The following MAPT variants were observed in gnomAD, a reference collection of about 807,000 sequenced individuals.
The protein encoded by MAPT is microtubule-associated protein tau.
A neutral mutation model predicts 67.9 loss-of-function variants in MAPT; 34 were observed. The ratio of observed to expected loss-of-function variants is 0.50; its 90% CI spans 0.38 to 0.67. The LOEUF (loss-of-function observed/expected upper bound fraction) is 0.67, where lower values mean the gene tolerates loss of function less well. Ranked by LOEUF, MAPT falls within the 30% of genes least tolerant of loss-of-function variation. The pLI, the probability that MAPT is intolerant of heterozygous loss-of-function variation, is 0.00. For missense variants in MAPT, 881 were observed against 1,115.2 expected (o/e 0.79, Z 2.99); for synonymous variants, 456 against 464.5 (o/e 0.98, Z 0.23).
chr17:46,010,511 T>C lies in MAPT; in HGVS notation c.2091+109T>C. 1.2e-6 allele frequency: 1 copy of C among 839,478 alleles called. No individual in the cohort carries two copies. Among genetic ancestry groups the C allele is most frequent in the Non-Finnish European group, 2.0e-6 (1 of 503,772 alleles). 52.0% of individuals were successfully genotyped at this position (839,478 alleles called of 1,614,324 possible). On this transcript the variant is annotated intron_variant, in intron 10 of 12. Transcript: ENST00000262410. The surrounding 1 kb of genome is among the most constrained non-coding windows in gnomAD (Gnocchi z 4.7). The stretch of plus-strand genomic sequence containing the variant: ...TGCATAGAATAAATCCTTCTTGGGC[T>C]CTCAGGATCTGGCTGCGACCTCTGG...
chr17:45,896,218 G>C lies in MAPT; in HGVS notation c.-18+1532G>C, dbSNP rs926775945. On this transcript the variant is annotated intron_variant, in intron 1 of 12. Transcript: ENST00000262410. The surrounding 1 kb of genome is among the most constrained non-coding windows in gnomAD (Gnocchi z 5.6). ...CAGCCTCGTCTCGGAGTCTGCCGGC[G>C]CCGGGAAGCTTCTGAAGGGATGGGA... 1 of 152,122 alleles carries C rather than the reference G, an allele frequency of 6.6e-6. No homozygotes were observed. The highest frequency in any genetic ancestry group is 6.6e-5 in the Admixed American group (1 of 15,264). The allele number at this position is 152,122 out of a possible 1,614,324, so 9.4% of individuals were successfully genotyped here.
At chr17:45,957,942 C>T (rs1441053121) in intron 1 of MAPT, among the ~76,000 whole-genome samples, 4 of 151,936 alleles carry the variant, frequency 2.6e-5, no homozygotes, top group African/African-American at 9.7e-5. Context: ...TATCTAAGCC[C>T]ACCTAGAGAA....
intron 1 of MAPT, among the ~76,000 whole-genome samples, chr17:45,951,152 G>A (rs1032830378): frequency 1.3e-5 from 2 of 152,208 alleles, no homozygotes; most frequent in Non-Finnish European, 2.9e-5. Flanking sequence ...ATATCCAGAA[G>A]AGATACATCC....
intron 9 of MAPT, among the ~76,000 whole-genome samples, chr17:46,006,570 A>G (rs370296556): frequency 2.2e-4 from 33 of 152,238 alleles, no homozygotes; most frequent in Middle Eastern, 3.4e-3. Context: ...AAAAACAACT[A>G]AAAGAGTGTA....
chr17:45,965,816 G>A (rs2071017903), intron 2 of MAPT, among the ~76,000 whole-genome samples: 1 of 152,184 alleles, frequency 6.6e-6, no homozygotes, highest in Admixed American at 6.5e-5. Context: ...ATCTACCTCA[G>A]AATGCTAATT....
In MAPT at chr17:46,024,149, C is replaced by T. The variant is rs754272068; in HGVS notation, c.2480C>T (p.Ser827Phe). 3.7e-6 allele frequency: 6 copies of T among 1,614,076 alleles called. No individual in the cohort carries two copies. The highest frequency in any genetic ancestry group is 2.2e-5 in the East Asian group (1 of 44,866). ...LATLADEVSASLAKQGL is the reference protein window; with the variant it reads ...LATLADEVSAFLAKQGL ...ACGCTAGCTGACGAGGTGTCTGCCT[C>T]CCTGGCCAAGCAGGGTTTGTGATCA... The change falls in exon 13 of 13, where the codon TCC becomes TTC. Residue 827 changes from serine to phenylalanine, a missense_variant. Physicochemically the swap from Ser to Phe is radical, Grantham distance 155. Transcript: ENST00000262410.
At chr17:45,922,362 C>T (rs2065821455) in intron 1 of MAPT, among the ~76,000 whole-genome samples, 1 of 152,044 alleles carries the variant, frequency 6.6e-6, no homozygotes, top group South Asian at 2.1e-4. Context: ...AAATGCCCAG[C>T]CAAAGTGTCC....
rs63751395 is a variant in MAPT, at chr17:46,010,390, G to A, written c.2079G>A (p.Pro693=). Residue 693 remains proline, a synonymous_variant, in exon 10 of 13, where the codon CCG becomes CCA. Coordinates refer to ENST00000262410, the MANE Select transcript of MAPT (RefSeq NM_001377265.1). The surrounding 1 kb of genome is among the most constrained non-coding windows in gnomAD (Gnocchi z 4.7). ...CGSKDNIKHV[P]GGGSVQIVYK... is the part of the protein sequence containing the mutation. ...CAAAGGATAATATCAAACACGTCCC[G>A]GGAGGCGGCAGTGTGAGTACCTTCA... 70 of 1,574,224 alleles carry A rather than the reference G, an allele frequency of 4.4e-5. No individual in the cohort carries two copies. In the East Asian group the frequency reaches 5.8e-4, roughly 13 times the overall value.
rs543050018 is a variant in MAPT, at chr17:45,996,756, C to T, written c.1998+92C>T. 1,135 of 1,528,196 alleles carry T rather than the reference C, an allele frequency of 7.4e-4. 11 individuals are homozygous for T. Among genetic ancestry groups the T allele is most frequent in the Non-Finnish European group, 3.3e-4 (379 of 1,132,040 alleles). 94.7% of individuals were successfully genotyped at this position (1,528,196 alleles called of 1,614,324 possible). On this transcript the variant is annotated intron_variant, in intron 9 of 12. Coordinates refer to ENST00000262410, the MANE Select transcript of MAPT (RefSeq NM_001377265.1). This position sits in a 1 kb window ranked among gnomAD's most constrained non-coding sequence, Gnocchi z 4.5. ...AAGGGTAGGGCTGCGCCTGGAGGTG[C>T]GCGGTTGAGCGTGGAGTCGTGGGAC... is the stretch of plus-strand genomic sequence containing the variant.
At chr17:45,988,759 CA>C (rs1046676656) in intron 6 of MAPT, among the ~76,000 whole-genome samples, 4 of 150,236 alleles carry the variant, frequency 2.7e-5, no homozygotes, top group African/African-American at 7.3e-5. Context: ...GACCCCATCT[CA>C]AAAAAAAAAT....
In MAPT at chr17:46,027,061, A is replaced by G. The variant is rs2076835432; in HGVS notation, c.*2890A>G. On this transcript the variant is annotated 3_prime_UTR_variant, in exon 13 of 13. Coordinates refer to ENST00000262410, the MANE Select transcript of MAPT (RefSeq NM_001377265.1). ...CCAGCAATTCTCCTAAGTTGAAGGG[A>G]TCTGAGAAGGAGAAGGAAATGTGGG... 1 of 152,068 alleles carries G rather than the reference A, an allele frequency of 6.6e-6. No homozygotes were observed. The highest frequency in any genetic ancestry group is 1.5e-5 in the Non-Finnish European group (1 of 68,038). The allele number at this position is 152,068 out of a possible 1,614,324, so 9.4% of individuals were successfully genotyped here.
intron 2 of MAPT, among the ~76,000 whole-genome samples, chr17:45,962,804 A>G (rs1476283114): frequency 6.6e-6 from 1 of 152,148 alleles, no homozygotes. Context: ...GCATGTCTAT[A>G]GTCCTAGCTA....
intron 9 of MAPT, among the ~76,000 whole-genome samples, chr17:46,001,256 T>C (rs889225588): frequency 6.6e-6 from 1 of 152,138 alleles, no homozygotes; most frequent in Non-Finnish European, 1.5e-5. Flanking sequence ...GTACGTTATA[T>C]TAAGGTGCCC....
At position 46,018,676 on chromosome 17, in the gene MAPT, G is replaced by C. The variant is rs754743520; in HGVS notation, c.2232G>C (p.Ser744=). 2 of 1,614,224 alleles carry C rather than the reference G, an allele frequency of 1.2e-6. No homozygotes were observed. The highest frequency in any genetic ancestry group is 1.3e-5 in the African/African-American group (1 of 75,050). The change falls in exon 12 of 13, where the codon TCG becomes TCC. Residue 744 remains serine, a synonymous_variant. Coordinates refer to ENST00000262410, the MANE Select transcript of MAPT (RefSeq NM_001377265.1). ...TTGACTTCAAGGACAGAGTCCAGTC[G>C]AAGATTGGGTCCCTGGACAATATCA... ...EKLDFKDRVQ[S]KIGSLDNITH...
chr17:45,983,644 A>G lies in MAPT; in HGVS notation c.1065A>G (p.Pro355=), dbSNP rs148127132. 7.4e-6 allele frequency: 12 copies of G among 1,613,806 alleles called. No individual in the cohort carries two copies. The African/African-American group carries it at 1.3e-4, about 18-fold the overall frequency. The change falls in exon 5 of 13, where the codon CCA becomes CCG. Residue 355 remains proline (P), a synonymous_variant. Coordinates refer to ENST00000262410, the MANE Select transcript of MAPT (RefSeq NM_001377265.1). The part of the protein sequence containing the change: ...DFLSKVSTEI[P]ASEPDGPSVG... The stretch of plus-strand genomic sequence containing the variant: ...TCTCCAAAGTTTCCACAGAGATCCC[A>G]GCCTCAGAGCCCGACGGGCCCAGTG...
In MAPT at chr17:45,996,333, G is replaced by A. The variant is rs2074465535; in HGVS notation, c.1733-66G>A. The A allele has an allele frequency of 3.2e-6, 5 of 1,568,804 alleles. No individual in the cohort carries two copies. In the South Asian group the frequency reaches 5.5e-5, roughly 17 times the overall value. On this transcript the variant is annotated intron_variant, in intron 8 of 12. Transcript: ENST00000262410. This position sits in a 1 kb window ranked among gnomAD's most constrained non-coding sequence, Gnocchi z 4.5. Reference sequence around the variant, plus strand: ...TGGGAATGGACCCACGGGACAGGCAGCCCCCAGGGCCTTTTCTGACCCCAC... The same window carrying A: ...TGGGAATGGACCCACGGGACAGGCAACCCCCAGGGCCTTTTCTGACCCCAC...
chr17:45,946,615 A>ATAT (rs1555692455), intron 1 of MAPT, among the ~76,000 whole-genome samples: 20 of 100,402 alleles, frequency 2.0e-4, no homozygotes, highest in African/African-American at 8.7e-4. Flanking sequence ...AAAAAAAAAA[A>ATAT]ATATATATAT....
At chr17:45,898,154 TG>T (rs1366578841) in intron 1 of MAPT, 2 of 152,270 alleles carry the variant, frequency 1.3e-5, no homozygotes, top group Non-Finnish European at 2.9e-5. Context: ...TGGCCAAGTT[TG>T]CTTCTCTAAC....
chr17:45,901,216 C>T (rs1448944322), intron 1 of MAPT, among the ~76,000 whole-genome samples: 1 of 152,210 alleles, frequency 6.6e-6, no homozygotes, highest in African/African-American at 2.4e-5. Context: ...CTGAAATCCA[C>T]TCCATGCCAG....
Sources: allele counts gnomAD v4.1 joint callset (sites outside exome capture counted in the v4.1 genomes callset), GRCh38; gene constraint gnomAD v4.1.1; non-coding constraint Gnocchi (gnomAD v3.1); transcripts MANE v1.5; gene names NCBI Gene and HGNC (gene_info 2026-07-23, HGNC 2026-07-21).